The following AKAP7 variants were observed in gnomAD, a reference collection of about 807,000 sequenced individuals.
AKAP7 encodes A-kinase anchoring protein 7, also known as A kinase (PRKA) anchor protein 7.
In AKAP7, 39 loss-of-function variants were observed where a neutral mutation model predicts 39.5. The ratio of observed to expected loss-of-function variants is 0.99; its 90% CI spans 0.76 to 1.29. AKAP7 has a LOEUF of 1.29. Among genes scored for constraint, AKAP7 ranks in the 50% most tolerant of loss-of-function variants. The pLI is 0.00. For synonymous variants in AKAP7, 140 were observed against 139.1 expected (o/e 1.01, Z -0.05); for missense variants, 414 against 407.7 (o/e 1.02, Z -0.13).
Position 131,282,244 on chromosome 6 carries a change from AGT to A in AKAP7, c.*519_*520del. 1 of 1,349,682 alleles carries A rather than the reference AGT, an allele frequency of 7.4e-7. No homozygotes were observed. The highest frequency in any genetic ancestry group is 2.7e-5 in the East Asian group (1 of 36,730). The allele number at this position is 1,349,682 out of a possible 1,614,324, so 83.6% of individuals were successfully genotyped here. The stretch of plus-strand genomic sequence containing the variant: ...GCTATGCAGTGTGATCTTTATTTAT[AGT>A]AAATTATGTTTCATGTAAATGATAT... On this transcript the variant is annotated 3_prime_UTR_variant, in exon 8 of 8. Coordinates refer to ENST00000431975, the MANE Select transcript of AKAP7 (RefSeq NM_016377.4).
At chr6:131,244,714 T>C (rs1166819477) in intron 7 of AKAP7, among the ~76,000 whole-genome samples, 3 of 152,182 alleles carry the variant, frequency 2.0e-5, no homozygotes, top group Non-Finnish European at 2.9e-5. Context: ...GAATGACTCT[T>C]GTGGATTGGT....
chr6:131,138,509 C>T (rs1800767523), intron 1 of AKAP7, among the ~76,000 whole-genome samples: 1 of 152,076 alleles, frequency 6.6e-6, no homozygotes, highest in African/African-American at 2.4e-5. Flanking sequence ...GATAGATAAC[C>T]AGAGAGCAGT....
intron 1 of AKAP7, among the ~76,000 whole-genome samples, chr6:131,141,622 A>G (rs1215986513): frequency 1.3e-5 from 2 of 152,216 alleles, no homozygotes; most frequent in Non-Finnish European, 2.9e-5. Context: ...TGGAGGGCTC[A>G]GAAGAAGACA....
intron 7 of AKAP7, among the ~76,000 whole-genome samples, chr6:131,264,933 C>T (rs1304049903): frequency 3.3e-5 from 5 of 152,126 alleles, no homozygotes; most frequent in Admixed American, 6.5e-5. Context: ...TGAGAACTCA[C>T]TCATTATCAT....
At chr6:131,234,202 G>A (rs1046709048) in intron 7 of AKAP7, among the ~76,000 whole-genome samples, 2 of 152,056 alleles carry the variant, frequency 1.3e-5, no homozygotes, top group Non-Finnish European at 2.9e-5. Context: ...ATTTATTTGT[G>A]CAACTTATTG....
chr6:131,194,183 T>C (rs1424432784), intron 5 of AKAP7, among the ~76,000 whole-genome samples: 1 of 152,036 alleles, frequency 6.6e-6, no homozygotes, highest in African/African-American at 2.4e-5. Context: ...AACAATAAAA[T>C]TCCCTCTTAG....
intron 6 of AKAP7, among the ~76,000 whole-genome samples, chr6:131,216,590 G>A (rs1396247480): frequency 6.6e-6 from 1 of 152,182 alleles, no homozygotes; most frequent in Non-Finnish European, 1.5e-5. Context: ...AACTGTGACT[G>A]AAACTAGGCT....
At chr6:131,155,681 A>C (rs1485772122) in intron 2 of AKAP7, among the ~76,000 whole-genome samples, 2 of 152,204 alleles carry the variant, frequency 1.3e-5, no homozygotes. Context: ...AGATATTTAG[A>C]ATCGTGTTTC....
At chr6:131,128,585 G>T in the AKAP7 span, among the ~76,000 whole-genome samples, 2 of 152,136 alleles carry the variant, frequency 1.3e-5, no homozygotes, top group African/African-American at 4.8e-5. Flanking sequence ...AGCTTTGGGA[G>T]GCCAAGGCAG....
intron 7 of AKAP7, among the ~76,000 whole-genome samples, chr6:131,266,112 T>C (rs779075979): frequency 1.3e-5 from 2 of 152,160 alleles, no homozygotes; most frequent in Non-Finnish European, 2.9e-5. Context: ...CAACTCTGGC[T>C]TACTCTTCAG....
At chr6:131,241,633 A>ATATGTGTGTGTGTGTGTGTGTGTGTG (rs2128313580) in intron 7 of AKAP7, among the ~76,000 whole-genome samples, 1 of 78,766 alleles carries the variant, frequency 1.3e-5, no homozygotes, top group Non-Finnish European at 2.8e-5. Flanking sequence ...GTGTGTATAT[A>ATATGTGTGTGTGTGTGTGTGTGTGTG]TATATGACAG....
upstream of AKAP7, among the ~76,000 whole-genome samples, chr6:131,131,077 G>A (rs964251207): frequency 6.6e-6 from 1 of 152,230 alleles, no homozygotes; most frequent in Non-Finnish European, 1.5e-5. Flanking sequence ...GGTTGTGGGA[G>A]CTGAGAGGCT....
At chr6:131,234,321 A>C (rs1810859313) in intron 7 of AKAP7, among the ~76,000 whole-genome samples, 1 of 152,212 alleles carries the variant, frequency 6.6e-6, no homozygotes, top group Non-Finnish European at 1.5e-5. Flanking sequence ...TGTAGTGGGA[A>C]GTCATGCAAA....
chr6:131,185,236 G>A lies in AKAP7; in HGVS notation c.590-14225G>A, dbSNP rs1440943359. Reference sequence around the variant, plus strand: ...AAAAATTGTGGATCTTCACAGGGGTGGGCTCACCGCTTTTTCCGCCAGTGC... The same window carrying A: ...AAAAATTGTGGATCTTCACAGGGGTAGGCTCACCGCTTTTTCCGCCAGTGC... On this transcript the variant is annotated intron_variant, in intron 5 of 7. Transcript: ENST00000431975. 6 of 470,648 alleles carry A rather than the reference G, an allele frequency of 1.3e-5. No individual in the cohort carries two copies. The East Asian group carries it at 2.8e-4, about 22-fold the overall frequency. The allele number at this position is 470,648 out of a possible 1,614,324, so 29.2% of individuals were successfully genotyped here.
chr6:131,275,161 G>A (rs1814644265), intron 7 of AKAP7, among the ~76,000 whole-genome samples: 1 of 152,148 alleles, frequency 6.6e-6, no homozygotes, highest in South Asian at 2.1e-4. Flanking sequence ...GCATTTAGCA[G>A]GTATTGGGCA....
intron 6 of AKAP7, among the ~76,000 whole-genome samples, chr6:131,202,852 G>A (rs1389274801): frequency 2.6e-5 from 4 of 152,094 alleles, no homozygotes; most frequent in African/African-American, 9.7e-5. Flanking sequence ...TTTATGGAAT[G>A]AGTCTATTCC....
chr6:131,252,943 A>G, intron 7 of AKAP7: 3 of 1,273,466 alleles, frequency 2.4e-6, no homozygotes, highest in Non-Finnish European at 2.3e-6. Flanking sequence ...CGGTGGCCCT[A>G]GAATGTTCCT....
chr6:131,222,035 T>G (rs542934871), intron 7 of AKAP7, among the ~76,000 whole-genome samples: 4 of 152,236 alleles, frequency 2.6e-5, no homozygotes, highest in African/African-American at 9.6e-5. Flanking sequence ...GTGATAGATA[T>G]GAGCAAAGCA....
At chr6:131,250,450 G>A in intron 7 of AKAP7, 1 of 1,565,010 alleles carries the variant, frequency 6.4e-7, no homozygotes, top group East Asian at 2.3e-5. Context: ...CAAGCTGCCT[G>A]TGCTGCTCCG....
Sources: gnomAD v4.1 joint callset for allele counts (sites outside exome capture counted in the v4.1 genomes callset) on GRCh38, gnomAD v4.1.1 for gene constraint, MANE v1.5 for transcripts, NCBI Gene and HGNC (gene_info 2026-07-23, HGNC 2026-07-21) for gene names.